ORMDL1: variants seen among roughly 807,000 people sequenced by gnomAD.
The protein encoded by ORMDL1 is ORMDL sphingolipid biosynthesis regulator 1.
A neutral mutation model predicts 13.0 loss-of-function variants in ORMDL1; 10 were observed. The ratio of observed to expected loss-of-function variants is 0.77; its 90% confidence interval spans 0.47 to 1.30. The LOEUF (loss-of-function observed/expected upper bound fraction) is 1.30. Among genes scored for constraint, ORMDL1 ranks in the 50% most tolerant of loss-of-function variants. The probability of loss-of-function intolerance (pLI) is 0.00; values close to 1 mark genes in which losing one functional copy is unlikely to be tolerated. For synonymous variants in ORMDL1, 61 were observed against 63.9 expected (o/e 0.95, Z 0.22); for missense variants, 171 against 186.7 (o/e 0.92, Z 0.49).
intron 3 of ORMDL1, among the ~76,000 whole-genome samples, chr2:189,777,562 A>T (rs1020909829): frequency 2.0e-5 from 3 of 152,224 alleles, no homozygotes; most frequent in African/African-American, 7.2e-5. Flanking sequence ...ATAAAATCTT[A>T]TCTGGCCATA....
intron 3 of ORMDL1, among the ~76,000 whole-genome samples, chr2:189,777,907 T>G (rs116417484): frequency 0.018 from 2,769 of 152,312 alleles, 96 homozygotes; most frequent in African/African-American, 0.063. Context: ...GTACTTCAGA[T>G]TTTTAATTGG....
Position 189,771,875 on chromosome 2 carries a change from C to T in ORMDL1, c.354G>A (p.Lys118=). ...TTAGGATGAAGTGAGTTGGATCATACTTCGTATAGAAACTTGCCAGAAAAT... is the reference window on the plus strand; with the variant it reads ...TTAGGATGAAGTGAGTTGGATCATATTTCGTATAGAAACTTGCCAGAAAAT... ...ILYFLASFYT[K]YDPTHFILNT... is the part of the protein sequence containing the mutation. The change falls in exon 5 of 5, where the codon AAG becomes AAA. Residue 118 remains lysine, a synonymous_variant. Coordinates refer to ENST00000392349, the MANE Select transcript of ORMDL1 (RefSeq NM_016467.5). 1 of 1,601,062 alleles carries T rather than the reference C, an allele frequency of 6.2e-7. No individual in the cohort carries two copies. The highest frequency in any genetic ancestry group is 8.5e-7 in the Non-Finnish European group (1 of 1,172,558).
chr2:189,766,105 G>A (rs62184267), downstream of ORMDL1, among the ~76,000 whole-genome samples: 17,251 of 152,066 alleles, frequency 0.11, 1,172 homozygotes, highest in Middle Eastern at 0.17. Flanking sequence ...GATTACAGGC[G>A]TGAGCCACCA....
At chr2:189,782,143 A>C (rs957215886) in intron 3 of ORMDL1, among the ~76,000 whole-genome samples, 1 of 152,112 alleles carries the variant, frequency 6.6e-6, no homozygotes, top group Non-Finnish European at 1.5e-5. Context: ...AGGTTTCACC[A>C]TGTTGGCCAG....
intron 4 of ORMDL1, 54 bp from the exon 5 acceptor site, chr2:189,771,956 G>A: frequency 3.8e-6 from 5 of 1,299,792 alleles, no homozygotes; most frequent in Non-Finnish European, 2.0e-6. Flanking sequence ...AAATTACTTG[G>A]AACTTAAACA....
intron 3 of ORMDL1, among the ~76,000 whole-genome samples, chr2:189,776,659 C>G (rs1361758253): frequency 6.6e-6 from 1 of 152,090 alleles, no homozygotes; most frequent in African/African-American, 2.4e-5. Flanking sequence ...ACCAACTTAA[C>G]CAAGCCCTTC....
At chr2:189,764,787 G>A in the ORMDL1 span, 4 of 151,930 alleles carry the variant, frequency 2.6e-5, no homozygotes, top group Admixed American at 2.0e-4. Flanking sequence ...GTAGCCTTCA[G>A]AGGAAAATTT....
At chr2:189,782,709 T>C in intron 2 of ORMDL1, 107 bp from the exon 3 acceptor site, 2 of 986,136 alleles carry the variant, frequency 2.0e-6, no homozygotes, top group Non-Finnish European at 3.0e-6. Context: ...TTTTCCTAGT[T>C]ACTTTGAAGT....
chr2:189,764,218 A>G, the ORMDL1 span: 1 of 152,258 alleles, frequency 6.6e-6, no homozygotes, highest in Admixed American at 6.5e-5. Flanking sequence ...AATTAGTCAT[A>G]CGGTTAGAGA....
chr2:189,775,747 C>A, intron 3 of ORMDL1, 31 bp from the exon 4 acceptor site: 2 of 1,600,110 alleles, frequency 1.2e-6, no homozygotes, highest in Admixed American at 1.7e-5. Flanking sequence ...TATAAATGAT[C>A]AATATTAAAT....
intron 3 of ORMDL1, among the ~76,000 whole-genome samples, chr2:189,779,629 T>C (rs901404589): frequency 1.3e-5 from 2 of 152,180 alleles, no homozygotes; most frequent in African/African-American, 4.8e-5. Flanking sequence ...ATGACTGCAA[T>C]GGATGATCAC....
chr2:189,768,127 A>C (rs1559185413), downstream of ORMDL1, among the ~76,000 whole-genome samples: 1 of 152,146 alleles, frequency 6.6e-6, no homozygotes, highest in African/African-American at 2.4e-5. Context: ...GATACATCTC[A>C]TTCTTTTCTT....
chr2:189,774,107 A>T (rs1440190160), intron 4 of ORMDL1: 7 of 152,236 alleles, frequency 4.6e-5, no homozygotes, highest in Non-Finnish European at 1.0e-4. Flanking sequence ...ATCCAAATTC[A>T]GGGCCATCTG....
chr2:189,771,753 A>C lies in ORMDL1; in HGVS notation c.*14T>G. 6.4e-7 allele frequency: 1 copy of C among 1,572,004 alleles called. No individual in the cohort carries two copies. The highest frequency in any genetic ancestry group is 8.6e-7 in the Non-Finnish European group (1 of 1,166,004). On this transcript the variant is annotated 3_prime_UTR_variant, in exon 5 of 5. Coordinates refer to ENST00000392349, the MANE Select transcript of ORMDL1 (RefSeq NM_016467.5). ...TTCAGTAGCTGTAAAATTTTTTTTC[A>C]GTTTCAAAACATTTCAATACTTATT...
chr2:189,767,601 G>A (rs1338687100), downstream of ORMDL1, among the ~76,000 whole-genome samples: 2 of 152,128 alleles, frequency 1.3e-5, no homozygotes, highest in African/African-American at 4.8e-5. Flanking sequence ...TGTTAATGAA[G>A]TGGCTTATTT....
rs892819960 is a variant in ORMDL1 at position 189,783,105 on chromosome 2, T to A, written c.-99A>T. 6.5e-6 allele frequency: 1 copy of A among 154,342 alleles called. No homozygotes were observed. The highest frequency in any genetic ancestry group is 6.3e-5 in the Admixed American group (1 of 15,780). The allele number at this position is 154,342 out of a possible 1,614,324, so 9.6% of individuals were successfully genotyped here. A position where few individuals can be genotyped will look rare whatever the true frequency, so the allele number is the denominator to read the frequency against. On this transcript the variant is annotated 5_prime_UTR_variant, in exon 2 of 5. The change abolishes the stop of an existing upstream ORF in the 5' untranslated region. Coordinates refer to ENST00000392349, the MANE Select transcript of ORMDL1 (RefSeq NM_016467.5). ...GTTCAGATCACTTCTTTCTGAATAC[T>A]CAATGTGGAAGGTACATGCTGTTGA...
downstream of ORMDL1, among the ~76,000 whole-genome samples, chr2:189,767,577 A>C (rs1196943430): frequency 6.6e-6 from 1 of 152,248 alleles, no homozygotes; most frequent in East Asian, 1.9e-4. Context: ...TTATATCTTA[A>C]AACTATTTTA....
chr2:189,775,761 A>C (rs1224888963), intron 3 of ORMDL1, 45 bp from the exon 4 acceptor site: 2 of 1,571,392 alleles, frequency 1.3e-6, no homozygotes, highest in Admixed American at 3.7e-5. Flanking sequence ...ATTAAATACA[A>C]AATTAGTCTT....
intron 4 of ORMDL1, among the ~76,000 whole-genome samples, chr2:189,772,912 A>G (rs561571396): frequency 6.6e-6 from 1 of 152,198 alleles, no homozygotes; most frequent in African/African-American, 2.4e-5. Flanking sequence ...AAATTCTACA[A>G]TCTTCCACCT....
Sources: gnomAD v4.1 joint callset for allele counts (sites outside exome capture counted in the v4.1 genomes callset) on GRCh38, gnomAD v4.1.1 for gene constraint, MANE v1.5 for transcripts, NCBI Gene and HGNC (gene_info 2026-07-23, HGNC 2026-07-21) for gene names.